Variants in ANAPC16 observed in about 807,000 individuals in gnomAD.
ANAPC16 encodes the protein anaphase promoting complex subunit 16.
Under a neutral mutation model 13.1 loss-of-function variants are expected in ANAPC16, and 6 were observed. The ratio of observed to expected loss-of-function variants is 0.46; its 90% CI spans 0.25 to 0.90. The LOEUF (loss-of-function observed/expected upper bound fraction) is 0.90, where lower values mean the gene tolerates loss of function less well. ANAPC16 is among the 40% of genes least tolerant of loss of function. The pLI is 0.18. For missense variants in ANAPC16, 113 were observed against 131.1 expected (o/e 0.86, Z 0.67); for synonymous variants, 55 against 51.3 (o/e 1.07, Z -0.31).
At chr10:72,225,890 ACT>A (rs952696057) in intron 2 of ANAPC16, among the ~76,000 whole-genome samples, 1 of 148,620 alleles carries the variant, frequency 6.7e-6, no homozygotes. Flanking sequence ...ACAGAGCAAG[ACT>A]CTGTCTCAAA....
chr10:72,224,135 T>A, intron 2 of ANAPC16, 79 bp downstream of exon 2: 1 of 1,362,212 alleles, frequency 7.3e-7, no homozygotes, highest in Non-Finnish European at 9.7e-7. Flanking sequence ...TTAAGTGGAT[T>A]AAAGATGAGT....
At chr10:72,229,466 C>T (rs553741785) in intron 2 of ANAPC16, among the ~76,000 whole-genome samples, 1 of 152,102 alleles carries the variant, frequency 6.6e-6, no homozygotes, top group African/African-American at 2.4e-5. Flanking sequence ...TGGGTGAATG[C>T]TTGAGGCCTA....
chr10:72,220,510 G>A (rs1353587803), intron 1 of ANAPC16: 1 of 151,476 alleles, frequency 6.6e-6, no homozygotes, highest in African/African-American at 2.4e-5. Flanking sequence ...AGAATTAGCT[G>A]GGCATGGTGG....
At chr10:72,222,647 C>T (rs1396365860) in intron 1 of ANAPC16, among the ~76,000 whole-genome samples, 4 of 152,150 alleles carry the variant, frequency 2.6e-5, no homozygotes, top group African/African-American at 7.2e-5. Flanking sequence ...CATGGTGGCT[C>T]ATGCCTGTAA....
intron 1 of ANAPC16, among the ~76,000 whole-genome samples, chr10:72,219,711 T>A (rs1859826029): frequency 6.6e-6 from 1 of 152,212 alleles, no homozygotes. Context: ...CATTCCAGCC[T>A]GGGAAACATA....
chr10:72,224,272 C>T (rs916794452), intron 2 of ANAPC16, among the ~76,000 whole-genome samples: 2 of 152,080 alleles, frequency 1.3e-5, no homozygotes, highest in Non-Finnish European at 2.9e-5. Context: ...ATGAAGTCAT[C>T]TAGAGTTATT....
chr10:72,225,630 A>G (rs1860095869), intron 2 of ANAPC16, among the ~76,000 whole-genome samples: 1 of 152,120 alleles, frequency 6.6e-6, no homozygotes, highest in Non-Finnish European at 1.5e-5. Flanking sequence ...GGCCAGGCGC[A>G]GTAACTCACG....
At chr10:72,222,758 CAA>C (rs1179478965) in intron 1 of ANAPC16, among the ~76,000 whole-genome samples, 1 of 152,120 alleles carries the variant, frequency 6.6e-6, no homozygotes, top group African/African-American at 2.4e-5. Flanking sequence ...GCGTGGGCGA[CAA>C]GAGCGAGACT....
chr10:72,227,000 T>G (rs953962519), intron 2 of ANAPC16, among the ~76,000 whole-genome samples: 2 of 152,228 alleles, frequency 1.3e-5, no homozygotes, highest in African/African-American at 4.8e-5. Context: ...CCATATTTGG[T>G]GCTAAAACTA....
intron 3 of ANAPC16, among the ~76,000 whole-genome samples, chr10:72,231,855 T>C (rs1054103205): frequency 6.6e-6 from 1 of 151,902 alleles, no homozygotes; most frequent in Admixed American, 6.6e-5. Flanking sequence ...GCGCCCAGCC[T>C]TTCTTCTTTT....
intron 2 of ANAPC16, among the ~76,000 whole-genome samples, chr10:72,229,261 A>T (rs1860221311): frequency 7.4e-6 from 1 of 135,956 alleles, no homozygotes; most frequent in Admixed American, 7.7e-5. Context: ...TTTGAAGATG[A>T]TATTGGAAGG....
intron 2 of ANAPC16, among the ~76,000 whole-genome samples, chr10:72,225,256 C>T (rs561173246): frequency 2.9e-4 from 44 of 152,230 alleles, no homozygotes; most frequent in Admixed American, 5.2e-4. Context: ...GCACTCCAGC[C>T]TGGGTGACAG....
intron 1 of ANAPC16, among the ~76,000 whole-genome samples, chr10:72,218,162 AAAAATATATAT>A (rs1859693467): frequency 1.7e-4 from 5 of 29,282 alleles, no homozygotes; most frequent in South Asian, 1.5e-3. Flanking sequence ...AAAAAAAAAA[AAAAATATATAT>A]ATATATATAT....
intron 1 of ANAPC16, among the ~76,000 whole-genome samples, chr10:72,221,593 C>T (rs1376336924): frequency 7.0e-6 from 1 of 142,534 alleles, no homozygotes; most frequent in African/African-American, 2.6e-5. Context: ...GGCTCTGTCA[C>T]CCAGACTGGA....
intron 1 of ANAPC16, among the ~76,000 whole-genome samples, chr10:72,216,593 T>C (rs1267413286): frequency 1.3e-5 from 2 of 151,946 alleles, no homozygotes; most frequent in Admixed American, 6.6e-5. Flanking sequence ...CTTGTAATAA[T>C]TTGCCTTTGT....
intron 2 of ANAPC16, among the ~76,000 whole-genome samples, chr10:72,228,156 A>T (rs151045644): frequency 7.2e-4 from 109 of 152,330 alleles, no homozygotes; most frequent in African/African-American, 2.2e-3. Context: ...TTGATGTTAC[A>T]TCCTTGTGAG....
chr10:72,230,463 C>T, intron 3 of ANAPC16, 23 bp downstream of exon 3: 4 of 1,602,522 alleles, frequency 2.5e-6, no homozygotes, highest in Non-Finnish European at 3.4e-6. Context: ...GTGTTGCGTA[C>T]TTGACTGTGA....
At chr10:72,216,650 C>G (rs575277372) in intron 1 of ANAPC16, among the ~76,000 whole-genome samples, 1 of 151,922 alleles carries the variant, frequency 6.6e-6, no homozygotes, top group Non-Finnish European at 1.5e-5. Context: ...AGAAAATAGG[C>G]ATATATCTGT....
At chr10:72,219,764 TAATC>T (rs1859830102) in intron 1 of ANAPC16, among the ~76,000 whole-genome samples, 2 of 152,210 alleles carry the variant, frequency 1.3e-5, no homozygotes, top group Admixed American at 1.3e-4. Context: ...AAAATGTCAT[TAATC>T]AATTTGCATT....
Sources: gnomAD v4.1 joint callset for allele counts (sites outside exome capture counted in the v4.1 genomes callset) on GRCh38, gnomAD v4.1.1 for gene constraint, MANE v1.5 for transcripts, NCBI Gene and HGNC (gene_info 2026-07-23, HGNC 2026-07-21) for gene names.